Variants in RAPGEF2 observed in about 807,000 individuals in gnomAD.
RAPGEF2 encodes Rap guanine nucleotide exchange factor 2, also known as PDZ domain containing guanine nucleotide exchange factor (GEF) 1.
Under a neutral mutation model 186.7 loss-of-function variants are expected in RAPGEF2, and 54 were observed. The observed-to-expected ratio is 0.29, with a 90% CI of 0.23 to 0.36. The LOEUF is 0.36. Among genes scored for constraint, RAPGEF2 ranks in the 10% least tolerant of loss-of-function variants. RAPGEF2 has a pLI of 1.00. For synonymous variants in RAPGEF2, 712 were observed against 705.9 expected (o/e 1.01, Z -0.14); for missense variants, 1,532 against 2,045.0 (o/e 0.75, Z 4.84).
intron 2 of RAPGEF2, among the ~76,000 whole-genome samples, chr4:159,188,048 A>G (rs190349206): frequency 1.8e-4 from 27 of 151,640 alleles, no homozygotes; most frequent in Non-Finnish European, 3.1e-4. Flanking sequence ...TAGAAAGGGC[A>G]AAACCACTGG....
chr4:159,166,043 G>A (rs529043876), intron 1 of RAPGEF2, among the ~76,000 whole-genome samples: 4 of 152,128 alleles, frequency 2.6e-5, no homozygotes, highest in Non-Finnish European at 4.4e-5. Flanking sequence ...AAAAGGGGCC[G>A]GGAGCATTGG....
intron 1 of RAPGEF2, among the ~76,000 whole-genome samples, chr4:159,138,575 G>C (rs1741971977): frequency 1.3e-5 from 2 of 152,152 alleles, no homozygotes; most frequent in South Asian, 4.2e-4. Context: ...CTAAATAAGT[G>C]AAATGATCTC....
chr4:159,133,873 G>A (rs1273949744), intron 1 of RAPGEF2, among the ~76,000 whole-genome samples: 1 of 151,894 alleles, frequency 6.6e-6, no homozygotes, highest in East Asian at 1.9e-4. Flanking sequence ...GTGAGCCACC[G>A]CGCCTGGCCA....
At chr4:159,326,548 A>AT (rs1241837925) in intron 11 of RAPGEF2, 5 of 152,186 alleles carry the variant, frequency 3.3e-5, no homozygotes, top group Non-Finnish European at 7.3e-5. Context: ...TAAATTTAAG[A>AT]TTTATTTGTT....
At chr4:159,190,121 G>A (rs987715212) in intron 2 of RAPGEF2, among the ~76,000 whole-genome samples, 2 of 152,214 alleles carry the variant, frequency 1.3e-5, no homozygotes, top group Non-Finnish European at 2.9e-5. Flanking sequence ...ATGGGCACAG[G>A]CTTGGTGCAG....
At chr4:159,153,619 C>T (rs1421625382) in intron 1 of RAPGEF2, among the ~76,000 whole-genome samples, 1 of 152,118 alleles carries the variant, frequency 6.6e-6, no homozygotes, top group Non-Finnish European at 1.5e-5. Flanking sequence ...TTTAACTGAC[C>T]TATCACTGAC....
intron 11 of RAPGEF2, among the ~76,000 whole-genome samples, chr4:159,324,623 CAT>C (rs1397231767): frequency 4.3e-4 from 65 of 152,096 alleles, no homozygotes; most frequent in African/African-American, 1.5e-3. Flanking sequence ...GGAAATTAAT[CAT>C]AGTGTGAATC....
chr4:159,232,143 C>G (rs527338564), intron 4 of RAPGEF2, among the ~76,000 whole-genome samples: 70 of 152,086 alleles, frequency 4.6e-4, no homozygotes, highest in Admixed American at 1.0e-3. Flanking sequence ...GTCATTTTAA[C>G]TAGTTTTAAA....
At chr4:159,268,097 G>T in intron 7 of RAPGEF2, 1 of 1,588,384 alleles carries the variant, frequency 6.3e-7, no homozygotes, top group Non-Finnish European at 8.6e-7. Context: ...AGGGTGACTT[G>T]CCATCGTGAG....
At chr4:159,258,076 T>C (rs1368713112) in intron 7 of RAPGEF2, among the ~76,000 whole-genome samples, 1 of 152,228 alleles carries the variant, frequency 6.6e-6, no homozygotes, top group East Asian at 1.9e-4. Context: ...GGCCAGTTGT[T>C]AGCAATTCTA....
At chr4:159,123,645 A>AGT (rs1291829170) in intron 1 of RAPGEF2, among the ~76,000 whole-genome samples, 12 of 147,202 alleles carry the variant, frequency 8.2e-5, no homozygotes, top group African/African-American at 3.0e-4. Flanking sequence ...CAGCCTCCCG[A>AGT]GTAGCTGGGA....
At chr4:159,118,571 T>C (rs1430809181) in intron 1 of RAPGEF2, among the ~76,000 whole-genome samples, 1 of 148,276 alleles carries the variant, frequency 6.7e-6, no homozygotes, top group Non-Finnish European at 1.5e-5. Context: ...TCTGCATTAA[T>C]GTATATTAAA....
intron 3 of RAPGEF2, among the ~76,000 whole-genome samples, chr4:159,210,138 G>GA (rs1301484493): frequency 2.0e-5 from 3 of 152,270 alleles, no homozygotes; most frequent in Admixed American, 2.0e-4. Flanking sequence ...GCTGGACAGG[G>GA]AAAATGATTA....
At chr4:159,251,337 T>C (rs1173924094) in intron 7 of RAPGEF2, among the ~76,000 whole-genome samples, 1 of 152,208 alleles carries the variant, frequency 6.6e-6, no homozygotes, top group Non-Finnish European at 1.5e-5. Flanking sequence ...GGTGGGGAGC[T>C]CTGCCCGCGT....
In RAPGEF2 at chr4:159,175,224, G is replaced by A. The variant is rs1746335831; in HGVS notation, c.70-11418G>A. Among the ~76,000 whole-genome samples the A allele has an allele frequency of 2.0e-5, 3 of 152,104 alleles. No individual in the cohort carries two copies. The South Asian group carries it at 6.2e-4, about 32-fold the overall frequency. On this transcript the variant is annotated intron_variant, in intron 1 of 29. Transcript: ENST00000691494. ...TTGTTTTTCTTTTGGGTGTAAATTA[G>A]TAAGTTCAGAAACAGTATTTTGCCT...
chr4:159,251,808 G>T (rs1208998691), intron 7 of RAPGEF2, among the ~76,000 whole-genome samples: 1 of 151,982 alleles, frequency 6.6e-6, no homozygotes, highest in East Asian at 1.9e-4. Context: ...TCAGCAGGAT[G>T]TGGGTGGGGT....
In RAPGEF2 at chr4:159,258,700, CTT is replaced by C. The variant is rs545717693; in HGVS notation, c.543+14911_543+14912del. ...ATAGGTCTATGAAAGCAGATAGTATCTTTATGCCATTGTGTATATCCTTTGCA... is the reference window on the plus strand; with the variant it reads ...ATAGGTCTATGAAAGCAGATAGTATCTATGCCATTGTGTATATCCTTTGCA... On this transcript the variant is annotated intron_variant, in intron 7 of 29. Coordinates refer to ENST00000691494, the MANE Select transcript of RAPGEF2 (RefSeq NM_001394067.2). Among the ~76,000 whole-genome samples the C allele has an allele frequency of 2.4e-3, 359 of 152,240 alleles. 11 individuals carry two copies. The South Asian group carries it at 0.044, about 18-fold the overall frequency.
intron 1 of RAPGEF2, among the ~76,000 whole-genome samples, chr4:159,124,329 C>T (rs1350014284): frequency 6.6e-6 from 1 of 151,472 alleles, no homozygotes; most frequent in Non-Finnish European, 1.5e-5. Context: ...CACCTGAGGT[C>T]AGGAGTTCAG....
intron 4 of RAPGEF2, among the ~76,000 whole-genome samples, chr4:159,237,842 TAAAAAAAAAAAAAA>T (rs58593781): frequency 7.5e-5 from 5 of 66,942 alleles, no homozygotes; most frequent in East Asian, 8.8e-4. Flanking sequence ...CTACAAAAAT[TAAAAAAAAAAAAAA>T]AAAAAAAAAA....
Sources: gnomAD v4.1 joint callset for allele counts (sites outside exome capture counted in the v4.1 genomes callset) on GRCh38, gnomAD v4.1.1 for gene constraint, MANE v1.5 for transcripts, NCBI Gene and HGNC (gene_info 2026-07-23, HGNC 2026-07-21) for gene names.